The following ANGPTL2 variants were observed in gnomAD, a reference collection of about 807,000 sequenced individuals.
ANGPTL2 encodes angiopoietin like 2.
A neutral mutation model predicts 52.8 loss-of-function variants in ANGPTL2; 25 were observed. The observed-to-expected ratio is 0.47, with a 90% CI of 0.35 to 0.66. The LOEUF (loss-of-function observed/expected upper bound fraction) is 0.66. ANGPTL2 is among the 30% of genes least tolerant of loss of function. The pLI is 0.01. For missense variants in ANGPTL2, 546 were observed against 656.9 expected, an observed-to-expected ratio of 0.83 and a Z score of 1.84; for synonymous variants, 276 against 277.4, an observed-to-expected ratio of 1.00 and a Z score of 0.05.
intron 1 of ANGPTL2, among the ~76,000 whole-genome samples, chr9:127,118,225 C>T (rs1428144886): frequency 6.6e-6 from 1 of 152,124 alleles, no homozygotes; most frequent in African/African-American, 2.4e-5. Flanking sequence ...TTGATGTGTA[C>T]ATGTGACAGG....
At chr9:127,104,999 G>C (rs2054081727) in intron 2 of ANGPTL2, among the ~76,000 whole-genome samples, 1 of 152,134 alleles carries the variant, frequency 6.6e-6, no homozygotes, top group Non-Finnish European at 1.5e-5. Flanking sequence ...CGTGCAGAGA[G>C]ACCATCTGTT....
intron 2 of ANGPTL2, among the ~76,000 whole-genome samples, chr9:127,097,140 A>C (rs2053220020): frequency 6.6e-6 from 1 of 152,324 alleles, no homozygotes; most frequent in East Asian, 1.9e-4. Context: ...AAAAATTTAC[A>C]GTTCTTTGTC....
chr9:127,120,639 T>C (rs2055956756), intron 1 of ANGPTL2, among the ~76,000 whole-genome samples: 1 of 152,088 alleles, frequency 6.6e-6, no homozygotes, highest in African/African-American at 2.4e-5. Flanking sequence ...CTGGCTAACG[T>C]GGTGAAACCC....
chr9:127,096,244 G>A (rs1162521475), intron 2 of ANGPTL2, among the ~76,000 whole-genome samples: 1 of 152,248 alleles, frequency 6.6e-6, no homozygotes, highest in African/African-American at 2.4e-5. Flanking sequence ...GTGTTTAGCT[G>A]AAGCCCCAGG....
Position 127,088,675 on chromosome 9 carries a change from T to C in ANGPTL2, c.*264A>G, listed in dbSNP as rs1589398691. 12 of 514,502 alleles carry C rather than the reference T, an allele frequency of 2.3e-5. No individual in the cohort carries two copies. The East Asian group carries it at 3.7e-4, about 16-fold the overall frequency. 31.9% of individuals were successfully genotyped at this position (514,502 alleles called of 1,614,324 possible). On this transcript the variant is annotated 3_prime_UTR_variant, in exon 5 of 5. Coordinates refer to ENST00000373425, the MANE Select transcript of ANGPTL2 (RefSeq NM_012098.3). Reference sequence around the variant, plus strand: ...GTGTTTTTATTGTAGAGACTTAATTTATTTAAAGAAAGAGTTGTCTGTAGT... The same window carrying C: ...GTGTTTTTATTGTAGAGACTTAATTCATTTAAAGAAAGAGTTGTCTGTAGT...
At chr9:127,119,926 C>G (rs2055867565) in intron 1 of ANGPTL2, among the ~76,000 whole-genome samples, 1 of 152,196 alleles carries the variant, frequency 6.6e-6, no homozygotes, top group African/African-American at 2.4e-5. Flanking sequence ...GCTTCAGTAG[C>G]CCCAGAGGCC....
At chr9:127,095,571 G>C (rs2053036824) in intron 2 of ANGPTL2, among the ~76,000 whole-genome samples, 2 of 152,236 alleles carry the variant, frequency 1.3e-5, no homozygotes, top group African/African-American at 4.8e-5. Flanking sequence ...AGGGCAGGGT[G>C]GGGCCGCTCT....
At chr9:127,100,799 T>C (rs1233266619) in intron 2 of ANGPTL2, among the ~76,000 whole-genome samples, 3 of 152,252 alleles carry the variant, frequency 2.0e-5, no homozygotes, top group African/African-American at 7.2e-5. Flanking sequence ...GTATTAACCC[T>C]TTCCAAGGAA....
intron 1 of ANGPTL2, among the ~76,000 whole-genome samples, chr9:127,118,456 G>C (rs530714027): frequency 6.6e-6 from 1 of 152,214 alleles, no homozygotes; most frequent in Non-Finnish European, 1.5e-5. Context: ...TCAATGAATT[G>C]ATTCTTTCTT....
Position 127,088,755 on chromosome 9 carries a change from G to T in ANGPTL2, c.*184C>A. On this transcript the variant is annotated 3_prime_UTR_variant, in exon 5 of 5. Transcript: ENST00000373425. ...GTCTGGTGTGAAGGAAAGTAGGAGG[G>T]ACAGAAAACACCGTATCGATTCAGT... The T allele has an allele frequency of 1.5e-6, 1 of 674,752 alleles. No homozygotes were observed. Among genetic ancestry groups the T allele is most frequent in the Non-Finnish European group, 2.5e-6 (1 of 394,006 alleles). 41.8% of individuals were successfully genotyped at this position (674,752 alleles called of 1,614,324 possible). A position where few individuals can be genotyped will look rare whatever the true frequency, so the allele number is the denominator to read the frequency against.
rs1169286052 is a variant in ANGPTL2 at position 127,087,375 on chromosome 9, C to G, written c.*1564G>C. On this transcript the variant is annotated 3_prime_UTR_variant, in exon 5 of 5. Transcript: ENST00000373425. ...GCACTGATGGCTTTTATTGCAGATT[C>G]GTGTCATTACAAGGATAATCTGGGA... 1 of 152,468 alleles carries G rather than the reference C, an allele frequency of 6.6e-6. No homozygotes were observed. The highest frequency in any genetic ancestry group is 1.5e-5 in the Non-Finnish European group (1 of 68,016). 9.4% of individuals were successfully genotyped at this position (152,468 alleles called of 1,614,324 possible). A position where few individuals can be genotyped will look rare whatever the true frequency, so the allele number is the denominator to read the frequency against.
In ANGPTL2 at chr9:127,093,683, G is replaced by A. The variant is rs750276713; in HGVS notation, c.1011+50C>T. On this transcript the variant is annotated intron_variant, in intron 3 of 4. Transcript: ENST00000373425. ...ATTGGTTGCTCAGGCCTCTCTTGGG[G>A]TGGGCCAGTCACCTTGTGGGCAGCA... 7 of 1,600,902 alleles carry A rather than the reference G, an allele frequency of 4.4e-6. No homozygotes were observed. The Admixed American group carries it at 6.7e-5, about 15-fold the overall frequency.
chr9:127,106,301 C>A (rs1263594991), intron 2 of ANGPTL2, among the ~76,000 whole-genome samples: 1 of 152,210 alleles, frequency 6.6e-6, no homozygotes, highest in Non-Finnish European at 1.5e-5. Flanking sequence ...AATTAACACA[C>A]CCTGCCCTCT....
At position 127,108,446 on chromosome 9, in the gene ANGPTL2, G is replaced by C. The variant is rs1167710116; in HGVS notation, c.286C>G (p.Leu96Val). 1 of 1,610,358 alleles carries C rather than the reference G, an allele frequency of 6.2e-7. No individual in the cohort carries two copies. The highest frequency in any genetic ancestry group is 8.5e-7 in the Non-Finnish European group (1 of 1,179,366). The change falls in exon 2 of 5, where the codon CTG becomes GTG. Residue 96 changes from leucine (L) to valine (V), a missense_variant. Leu to Val is a conservative substitution (Grantham distance 32). This residue lies in a region of ANGPTL2 where 285 missense variants were observed against 295.8 expected (regional missense o/e 0.96). Coordinates refer to ENST00000373425, the MANE Select transcript of ANGPTL2 (RefSeq NM_012098.3). The part of the protein sequence containing the change: ...KQELELLNNE[L>V]LKQKRQIETL... Reference sequence around the variant, plus strand: ...TCGATCTGCCGCTTCTGCTTGAGCAGCTCATTGTTGAGCAGCTCTAGCTCC... The same window carrying C: ...TCGATCTGCCGCTTCTGCTTGAGCACCTCATTGTTGAGCAGCTCTAGCTCC...
At position 127,122,613 on chromosome 9, in the gene ANGPTL2, G is replaced by T; in HGVS notation, c.-348C>A. The T allele has an allele frequency of 6.5e-6, 1 of 152,942 alleles. No individual in the cohort carries two copies. The highest frequency in any genetic ancestry group is 1.5e-5 in the Non-Finnish European group (1 of 68,542). The allele number at this position is 152,942 out of a possible 1,614,324, so 9.5% of individuals were successfully genotyped here. A position where few individuals can be genotyped will look rare whatever the true frequency, so the allele number is the denominator to read the frequency against. ...TCCAGGGCTTGGGGTCCATCCTCAG[G>T]CCGTCCGCAGCAGCCTCATTTGAAC... is the stretch of plus-strand genomic sequence containing the variant. On this transcript the variant is annotated 5_prime_UTR_variant, in exon 1 of 5. Coordinates refer to ENST00000373425, the MANE Select transcript of ANGPTL2 (RefSeq NM_012098.3). The surrounding 1 kb of genome is among the most constrained non-coding windows in gnomAD (Gnocchi z 6.4).
intron 1 of ANGPTL2, among the ~76,000 whole-genome samples, chr9:127,114,951 T>C (rs987150370): frequency 6.6e-6 from 1 of 152,102 alleles, no homozygotes; most frequent in Non-Finnish European, 1.5e-5. Flanking sequence ...AAATGTATGG[T>C]GTGCTGGTAG....
intron 2 of ANGPTL2, among the ~76,000 whole-genome samples, chr9:127,094,705 C>T (rs969433782): frequency 6.6e-6 from 1 of 152,224 alleles, no homozygotes; most frequent in African/African-American, 2.4e-5. Flanking sequence ...GCTTGGCACT[C>T]ACGCATTCTG....
At chr9:127,112,137 C>G (rs1327822146) in intron 1 of ANGPTL2, among the ~76,000 whole-genome samples, 1 of 152,230 alleles carries the variant, frequency 6.6e-6, no homozygotes, top group East Asian at 1.9e-4. Context: ...AGCATGATTC[C>G]TATGGCCTGC....
chr9:127,088,838 C>T lies in ANGPTL2; in HGVS notation c.*101G>A. ...GAATCCAGCATCCCGGTCCTCCCAG[C>T]CTCAGGATGAACTGGTGAGGAGTTG... On this transcript the variant is annotated 3_prime_UTR_variant, in exon 5 of 5. Coordinates refer to ENST00000373425, the MANE Select transcript of ANGPTL2 (RefSeq NM_012098.3). The T allele has an allele frequency of 7.3e-7, 1 of 1,370,106 alleles. No homozygotes were observed. The highest frequency in any genetic ancestry group is 1.0e-6 in the Non-Finnish European group (1 of 972,214). The allele number at this position is 1,370,106 out of a possible 1,614,324, so 84.9% of individuals were successfully genotyped here.
Sources: allele counts gnomAD v4.1 joint callset (sites outside exome capture counted in the v4.1 genomes callset), GRCh38; gene constraint gnomAD v4.1.1; regional missense constraint gnomAD v4.1.1; non-coding constraint Gnocchi (gnomAD v3.1); transcripts MANE v1.5; gene names NCBI Gene and HGNC (gene_info 2026-07-23, HGNC 2026-07-21).